Variants in MYO18B observed in about 807,000 individuals in gnomAD.
The protein encoded by MYO18B is unconventional myosin-XVIIIb.
Under a neutral mutation model 273.0 loss-of-function variants are expected in MYO18B, and 204 were observed. The ratio of observed to expected loss-of-function variants is 0.75; its 90% confidence interval spans 0.67 to 0.84. The LOEUF (loss-of-function observed/expected upper bound fraction) is 0.84, where lower values mean the gene tolerates loss of function less well. Among genes scored for constraint, MYO18B ranks in the 40% least tolerant of loss-of-function variants. The probability of loss-of-function intolerance (pLI) is 0.00; values close to 1 mark genes in which losing one functional copy is unlikely to be tolerated. For missense variants in MYO18B, 3,212 were observed against 3,287.6 expected (o/e 0.98, Z 0.56); for synonymous variants, 1,330 against 1,305.7 (o/e 1.02, Z -0.40).
intron 13 of MYO18B, among the ~76,000 whole-genome samples, chr22:25,825,581 T>C (rs921922957): frequency 1.3e-5 from 2 of 152,150 alleles, no homozygotes; most frequent in South Asian, 2.1e-4. Flanking sequence ...ACTGTAATTA[T>C]AGTTTTTGAG....
rs1351629465 is a variant in MYO18B at position 25,890,842 on chromosome 22, G to T, written c.4401G>T (p.Arg1467=). Residue 1467 remains arginine, a synonymous_variant, in exon 26 of 44, where the codon CGG becomes CGT. Transcript: ENST00000335473. ...CQVLESERAE[R]LQAFREVQEL... ...TGCTGGAGAGTGAGCGGGCAGAGCG[G>T]CTACAGGCCTTCCGGGAGGTCCAGG... 2.4e-5 allele frequency: 38 copies of T among 1,613,844 alleles called. No individual in the cohort carries two copies. The highest frequency in any genetic ancestry group is 1.2e-4 in the Admixed American group (7 of 60,002).
At chr22:25,853,125 C>T (rs11703908) in intron 21 of MYO18B, among the ~76,000 whole-genome samples, 5,760 of 152,190 alleles carry the variant, frequency 0.038, 152 homozygotes, top group East Asian at 0.11. Flanking sequence ...CATTAACCAC[C>T]ATCATCAACA....
At chr22:25,913,291 C>T (rs1365364064) in intron 33 of MYO18B, among the ~76,000 whole-genome samples, 2 of 152,260 alleles carry the variant, frequency 1.3e-5, no homozygotes, top group Non-Finnish European at 1.5e-5. Context: ...TTCCAGGCAT[C>T]GGGTGCTAAA....
intron 17 of MYO18B, among the ~76,000 whole-genome samples, chr22:25,836,269 G>A (rs2089897740): frequency 6.6e-6 from 1 of 152,280 alleles, no homozygotes; most frequent in Admixed American, 6.5e-5. Context: ...TAGTTGATGT[G>A]CTTTTAAAAT....
intron 42 of MYO18B, among the ~76,000 whole-genome samples, chr22:26,011,585 TA>T (rs1934926983): frequency 1.3e-5 from 2 of 152,176 alleles, no homozygotes; most frequent in African/African-American, 4.8e-5. Context: ...GAAGGAAACT[TA>T]TTAAAGTGTT....
At chr22:25,939,883 T>A (rs1008588394) in intron 34 of MYO18B, among the ~76,000 whole-genome samples, 2 of 152,166 alleles carry the variant, frequency 1.3e-5, no homozygotes, top group East Asian at 3.9e-4. Context: ...AACCTCTCTA[T>A]TCCTCAGTTT....
At chr22:25,772,619 C>A in intron 7 of MYO18B, 109 bp downstream of exon 7, 1 of 1,136,070 alleles carries the variant, frequency 8.8e-7, no homozygotes, top group Non-Finnish European at 1.2e-6. Context: ...CCCAGTCGAC[C>A]TGTCTGCAAG....
At chr22:25,806,004 C>A (rs2088457811) in intron 12 of MYO18B, among the ~76,000 whole-genome samples, 1 of 152,184 alleles carries the variant, frequency 6.6e-6, no homozygotes, top group African/African-American at 2.4e-5. Context: ...TAATGTCTGT[C>A]TCCCATGCTG....
chr22:25,857,493 A>G (rs1049280261), intron 21 of MYO18B, among the ~76,000 whole-genome samples: 1 of 151,538 alleles, frequency 6.6e-6, no homozygotes, highest in Admixed American at 6.6e-5. Flanking sequence ...AAGAGTCTTT[A>G]TCTGCTGGGA....
chr22:25,865,191 C>T (rs2146124254), intron 21 of MYO18B, among the ~76,000 whole-genome samples: 1 of 152,334 alleles, frequency 6.6e-6, no homozygotes, highest in South Asian at 2.1e-4. Flanking sequence ...GGAATATTCT[C>T]ACCACTTTGC....
chr22:25,763,285 G>T lies in MYO18B; in HGVS notation c.94G>T (p.Val32Phe). The change falls in exon 3 of 44, where the codon GTC becomes TTC. Residue 32 changes from valine to phenylalanine, a missense_variant. Physicochemically the swap from Val to Phe is conservative, Grantham distance 50 (BLOSUM62 -1). Coordinates refer to ENST00000335473, the MANE Select transcript of MYO18B (RefSeq NM_032608.7). ...ATCCTCGCCCCCTCCTCTTTTCTCTGTCATCCCAGGGGGCTTCATTAAGCA... is the reference window on the plus strand; with the variant it reads ...ATCCTCGCCCCCTCCTCTTTTCTCTTTCATCCCAGGGGGCTTCATTAAGCA... ...PPSSPPPLFSVIPGGFIKQLV... is the reference protein window; with the variant it reads ...PPSSPPPLFSFIPGGFIKQLV... The T allele has an allele frequency of 6.2e-7, 1 of 1,612,364 alleles. No individual in the cohort carries two copies. Among genetic ancestry groups the T allele is most frequent in the Non-Finnish European group, 8.5e-7 (1 of 1,179,358 alleles).
intron 38 of MYO18B, among the ~76,000 whole-genome samples, chr22:25,954,381 G>T (rs1483812780): frequency 2.0e-5 from 3 of 151,784 alleles, no homozygotes; most frequent in Non-Finnish European, 4.4e-5. Flanking sequence ...AAAGGTTTTT[G>T]ACTTCAGCAG....
At chr22:25,775,855 C>T (rs1351683845) in intron 7 of MYO18B, among the ~76,000 whole-genome samples, 2 of 150,390 alleles carry the variant, frequency 1.3e-5, no homozygotes, top group Non-Finnish European at 3.0e-5. Flanking sequence ...GTCTTCCCAC[C>T]AGAAGGCAAG....
intron 12 of MYO18B, among the ~76,000 whole-genome samples, chr22:25,818,025 C>A (rs1393067889): frequency 6.6e-6 from 1 of 152,156 alleles, no homozygotes; most frequent in Admixed American, 6.5e-5. Flanking sequence ...TTCTCCCTAG[C>A]AACCCGAAAA....
chr22:25,845,130 G>A (rs763690070), intron 18 of MYO18B, among the ~76,000 whole-genome samples: 2 of 152,228 alleles, frequency 1.3e-5, no homozygotes, highest in African/African-American at 2.4e-5. Flanking sequence ...CTTTGGTGAC[G>A]TAAAGTAGCA....
At chr22:26,021,244 T>G (rs1302979471) in intron 42 of MYO18B, among the ~76,000 whole-genome samples, 2 of 152,234 alleles carry the variant, frequency 1.3e-5, no homozygotes, top group Admixed American at 1.3e-4. Flanking sequence ...TGTCCTAGTT[T>G]ACCTAATAAA....
At chr22:25,949,368 G>A (rs2092765356) in intron 36 of MYO18B, among the ~76,000 whole-genome samples, 1 of 152,162 alleles carries the variant, frequency 6.6e-6, no homozygotes, top group Non-Finnish European at 1.5e-5. Flanking sequence ...GTGGATGGAT[G>A]GGCTTGGGAG....
intron 13 of MYO18B, among the ~76,000 whole-genome samples, chr22:25,825,577 A>G (rs2089462933): frequency 6.6e-6 from 1 of 152,088 alleles, no homozygotes; most frequent in Admixed American, 6.6e-5. Context: ...CACAACTGTA[A>G]TTATAGTTTT....
rs111674862 is a variant in MYO18B, at chr22:25,990,815, C to T, written c.6157-1548C>T. 3.2e-3 allele frequency among the ~76,000 whole-genome samples: 481 copies of T among 149,876 alleles called. 1 individual carries two copies. The highest frequency in any genetic ancestry group is 0.011 in the African/African-American group (456 of 40,646). ...CAGTTCCATGGGGAGCTGGGAATTG[C>T]GCTTTGACCCCACATCCTCAAATTT... On this transcript the variant is annotated intron_variant, in intron 39 of 43. Transcript: ENST00000335473.
Sources: allele counts gnomAD v4.1 joint callset (sites outside exome capture counted in the v4.1 genomes callset), GRCh38; gene constraint gnomAD v4.1.1; transcripts MANE v1.5; gene names NCBI Gene and HGNC (gene_info 2026-07-23, HGNC 2026-07-21).